The following ABCB1 variants were observed in gnomAD, a reference collection of about 807,000 sequenced individuals.
ABCB1 encodes ATP binding cassette subfamily B member 1.
ABCB1 carries 69 observed loss-of-function variants against 142.0 expected under a neutral mutation model. The ratio of observed to expected loss-of-function variants is 0.49; its 90% CI spans 0.40 to 0.59. The LOEUF (loss-of-function observed/expected upper bound fraction) is 0.59, where lower values mean the gene tolerates loss of function less well. Ranked by LOEUF, ABCB1 falls within the 20% of genes least tolerant of loss-of-function variation. ABCB1 has a pLI of 0.00. For synonymous variants in ABCB1, 532 were observed against 539.2 expected (o/e 0.99, Z 0.18); for missense variants, 1,326 against 1,554.7 (o/e 0.85, Z 2.47).
intron 14 of ABCB1, among the ~76,000 whole-genome samples, chr7:87,549,059 CAT>C (rs920421632): frequency 2.6e-5 from 4 of 152,318 alleles, no homozygotes; most frequent in African/African-American, 7.2e-5. Context: ...TGAACTTTCA[CAT>C]GTGTCTATAT....
chr7:87,694,692 T>G (rs1220689463), intron 1 of ABCB1, among the ~76,000 whole-genome samples: 1 of 152,016 alleles, frequency 6.6e-6, no homozygotes, highest in Non-Finnish European at 1.5e-5. Context: ...TGTGTGGACT[T>G]CAGCCGTCAT....
At chr7:87,534,917 TAAAAA>T (rs139364527) in intron 20 of ABCB1, among the ~76,000 whole-genome samples, 11 of 91,806 alleles carry the variant, frequency 1.2e-4, no homozygotes, top group African/African-American at 2.8e-4. Context: ...CCTGTCTCTT[TAAAAA>T]AAAAAAAAAA....
chr7:87,520,629 G>A, intron 22 of ABCB1, 147 bp downstream of exon 22: 2 of 733,054 alleles, frequency 2.7e-6, no homozygotes, highest in East Asian at 2.7e-5. Context: ...TTTCTCTCCT[G>A]CATAATTACA....
intron 1 of ABCB1, among the ~76,000 whole-genome samples, chr7:87,613,513 C>T (rs951811582): frequency 3.3e-5 from 5 of 152,090 alleles, no homozygotes; most frequent in African/African-American, 1.2e-4. Context: ...CACATATACG[C>T]CATGGAATAC....
chr7:87,613,592 A>G (rs992498877), intron 1 of ABCB1, among the ~76,000 whole-genome samples: 3 of 152,192 alleles, frequency 2.0e-5, no homozygotes, highest in African/African-American at 7.2e-5. Flanking sequence ...TAAGTGAATT[A>G]ACACAGAAAC....
At chr7:87,515,207 A>G (rs1175029003) in intron 25 of ABCB1, 24 bp downstream of exon 25, 1 of 1,612,136 alleles carries the variant, frequency 6.2e-7, no homozygotes, top group Non-Finnish European at 8.5e-7. Flanking sequence ...ACCTGAACTG[A>G]GCTAAATGTG....
At chr7:87,679,090 T>C (rs2130575266) in intron 1 of ABCB1, among the ~76,000 whole-genome samples, 1 of 113,698 alleles carries the variant, frequency 8.8e-6, no homozygotes, top group Admixed American at 8.7e-5. Context: ...ACCCCAACTT[T>C]TTTTTTTTTT....
chr7:87,571,858 C>T (rs139282800), intron 4 of ABCB1, among the ~76,000 whole-genome samples: 42 of 152,274 alleles, frequency 2.8e-4, no homozygotes, highest in African/African-American at 9.9e-4. Flanking sequence ...TCTCCTTACC[C>T]ATAAGGACAG....
upstream of ABCB1, among the ~76,000 whole-genome samples, chr7:87,605,645 C>T (rs1014564868): frequency 1.3e-5 from 2 of 152,204 alleles, no homozygotes; most frequent in Non-Finnish European, 2.9e-5. Context: ...TCATGACTTA[C>T]TAGCTGTGTG....
intron 21 of ABCB1, among the ~76,000 whole-genome samples, chr7:87,525,957 C>T (rs1429861831): frequency 1.3e-5 from 2 of 152,186 alleles, no homozygotes; most frequent in African/African-American, 2.4e-5. Flanking sequence ...AAGTTAAAAG[C>T]AGTCCTGAAT....
intron 1 of ABCB1, among the ~76,000 whole-genome samples, chr7:87,608,966 C>T (rs1819754673): frequency 6.6e-6 from 1 of 152,094 alleles, no homozygotes; most frequent in African/African-American, 2.4e-5. Context: ...TAATCAAGTA[C>T]CCTGTATATG....
At chr7:87,604,474 C>G (rs1029279656), upstream of ABCB1, among the ~76,000 whole-genome samples, 2 of 151,776 alleles carry the variant, frequency 1.3e-5, no homozygotes, top group Admixed American at 6.5e-5. Flanking sequence ...GATCCACACA[C>G]TCTCCACCCT....
intron 7 of ABCB1, among the ~76,000 whole-genome samples, chr7:87,565,769 GT>G (rs914856643): frequency 6.7e-6 from 1 of 149,516 alleles, no homozygotes; most frequent in Non-Finnish European, 1.5e-5. Flanking sequence ...TTTTTGTTTT[GT>G]TTTTGTTTTT....
chr7:87,697,850 A>G (rs554963948), intron 1 of ABCB1, among the ~76,000 whole-genome samples: 145 of 152,298 alleles, frequency 9.5e-4, no homozygotes, highest in Middle Eastern at 3.4e-3. Context: ...ATAGCTAGAA[A>G]GTGATCTAGT....
chr7:87,507,419 A>G (rs1238593711), intron 26 of ABCB1, among the ~76,000 whole-genome samples: 1 of 152,238 alleles, frequency 6.6e-6, no homozygotes, highest in African/African-American at 2.4e-5. Flanking sequence ...CAGTCCTAAC[A>G]GGTTCCCAGG....
At chr7:87,576,402 T>A (rs1313024086) in intron 4 of ABCB1, among the ~76,000 whole-genome samples, 2 of 149,534 alleles carry the variant, frequency 1.3e-5, no homozygotes, top group African/African-American at 4.9e-5. Context: ...ACACACACAC[T>A]ATATATAAGT....
At chr7:87,526,688 G>A (rs371268213) in intron 21 of ABCB1, among the ~76,000 whole-genome samples, 80 of 152,216 alleles carry the variant, frequency 5.3e-4, no homozygotes, top group South Asian at 3.3e-3. Flanking sequence ...AAGGCAGTCC[G>A]TTACTGTCTA....
At chr7:87,559,435 T>C (rs1249456196) in intron 8 of ABCB1, among the ~76,000 whole-genome samples, 1 of 152,050 alleles carries the variant, frequency 6.6e-6, no homozygotes, top group Non-Finnish European at 1.5e-5. Context: ...TATTCATTCT[T>C]TTTTTGTTCC....
chr7:87,688,790 T>C (rs1827730192), intron 1 of ABCB1, among the ~76,000 whole-genome samples: 1 of 151,992 alleles, frequency 6.6e-6, no homozygotes, highest in Non-Finnish European at 1.5e-5. Context: ...TCTGTTTGAG[T>C]CATATTATTG....
Sources: allele counts gnomAD v4.1 joint callset (sites outside exome capture counted in the v4.1 genomes callset), GRCh38; gene constraint gnomAD v4.1.1; transcripts MANE v1.5; gene names NCBI Gene and HGNC (gene_info 2026-07-23, HGNC 2026-07-21).